SLIT2: variants seen among roughly 807,000 people sequenced by gnomAD.
The protein encoded by SLIT2 is slit guidance ligand 2.
SLIT2 carries 41 observed loss-of-function variants against 185.7 expected under a neutral mutation model. The observed-to-expected ratio is 0.22, with a 90% CI of 0.17 to 0.29. The LOEUF (loss-of-function observed/expected upper bound fraction) is 0.29. SLIT2 is among the 10% of genes least tolerant of loss of function. The probability of loss-of-function intolerance (pLI) is 1.00; values close to 1 mark genes in which losing one functional copy is unlikely to be tolerated. For synonymous variants in SLIT2, 693 were observed against 680.2 expected, an observed-to-expected ratio of 1.02 and a Z score of -0.29; for missense variants, 1,571 against 1,909.0, an observed-to-expected ratio of 0.82 and a Z score of 3.30.
chr4:20,533,851 C>CACAT, intron 18 of SLIT2, 136 bp downstream of exon 18: 1 of 714,946 alleles, frequency 1.4e-6, no homozygotes, highest in Non-Finnish European at 2.4e-6. Context: ...CTGTTACACA[C>CACAT]ACATACACAC....
intron 9 of SLIT2, among the ~76,000 whole-genome samples, chr4:20,497,089 T>C (rs1718292759): frequency 1.3e-5 from 2 of 151,886 alleles, no homozygotes; most frequent in South Asian, 4.1e-4. Flanking sequence ...TATTCTCGGC[T>C]GACCAACTCA....
At chr4:20,412,416 C>G (rs1355203320) in intron 4 of SLIT2, among the ~76,000 whole-genome samples, 1 of 151,996 alleles carries the variant, frequency 6.6e-6, no homozygotes, top group Non-Finnish European at 1.5e-5. Context: ...GTTTTTCCAA[C>G]AACAATTTAC....
At chr4:20,610,279 GA>G in intron 34 of SLIT2, 112 bp downstream of exon 34, 1 of 887,842 alleles carries the variant, frequency 1.1e-6, no homozygotes, top group Non-Finnish European at 1.6e-6. Flanking sequence ...GACCAATAGT[GA>G]TCAATCATTG....
intron 4 of SLIT2, among the ~76,000 whole-genome samples, chr4:20,281,625 A>G (rs1714783146): frequency 1.3e-5 from 2 of 152,148 alleles, no homozygotes; most frequent in South Asian, 2.1e-4. Context: ...AGTTTCAAGG[A>G]AAGTTGTTAA....
At chr4:20,570,239 A>C (rs1725454222) in intron 29 of SLIT2, among the ~76,000 whole-genome samples, 1 of 152,108 alleles carries the variant, frequency 6.6e-6, no homozygotes, top group South Asian at 2.1e-4. Context: ...TGTATTACCA[A>C]GTCTTCTAGT....
intron 4 of SLIT2, among the ~76,000 whole-genome samples, chr4:20,379,732 T>C (rs114720740): frequency 0.015 from 2,260 of 152,164 alleles, 54 homozygotes; most frequent in African/African-American, 0.05. Context: ...GTTTCAGAGA[T>C]TGAACAATAA....
chr4:20,413,427 G>T (rs968657731), intron 4 of SLIT2, among the ~76,000 whole-genome samples: 1 of 152,132 alleles, frequency 6.6e-6, no homozygotes, highest in East Asian at 1.9e-4. Context: ...TTGCTGTTGC[G>T]TAAAGTATTC....
At chr4:20,501,380 G>T (rs759114078) in intron 9 of SLIT2, among the ~76,000 whole-genome samples, 5 of 152,016 alleles carry the variant, frequency 3.3e-5, no homozygotes, top group African/African-American at 4.8e-5. Flanking sequence ...CCGCCTCCAG[G>T]GCTCAAGCAA....
chr4:20,571,122 C>T (rs1191613151), intron 29 of SLIT2, among the ~76,000 whole-genome samples: 1 of 152,202 alleles, frequency 6.6e-6, no homozygotes, highest in Admixed American at 6.5e-5. Flanking sequence ...TAAAGCTTAG[C>T]CAAACCATTT....
chr4:20,271,492 T>A (rs865923074), intron 4 of SLIT2, among the ~76,000 whole-genome samples: 1 of 143,576 alleles, frequency 7.0e-6, no homozygotes, highest in Non-Finnish European at 1.5e-5. Flanking sequence ...ATTTATATAT[T>A]ATATATATAT....
Position 20,533,616 on chromosome 4 carries a change from T to C in SLIT2, c.1733T>C (p.Phe578Ser). 1 of 1,611,872 alleles carries C rather than the reference T, an allele frequency of 6.2e-7. No individual in the cohort carries two copies. The highest frequency in any genetic ancestry group is 8.5e-7 in the Non-Finnish European group (1 of 1,177,898). ...NKITDIEEGA[F>S]EGASGVNEIL... ...ATCACAGATATTGAGGAGGGAGCAT[T>C]TGAAGGAGCATCTGGTGTAAATGAA... The change falls in exon 18 of 37, where the codon TTT (phenylalanine) becomes TCT (serine). Residue 578 changes from phenylalanine (F) to serine (S), a missense_variant. Transcript: ENST00000504154.
At chr4:20,467,537 A>G (rs961146386) in intron 4 of SLIT2, among the ~76,000 whole-genome samples, 1 of 152,020 alleles carries the variant, frequency 6.6e-6, no homozygotes, top group African/African-American at 2.4e-5. Flanking sequence ...ATCTAGAAGC[A>G]TACTTCAAGA....
chr4:20,279,756 T>A (rs546328124), intron 4 of SLIT2, among the ~76,000 whole-genome samples: 4 of 152,308 alleles, frequency 2.6e-5, no homozygotes, highest in African/African-American at 9.6e-5. Context: ...ATGTACTTAC[T>A]TTTTTTGCTT....
rs115512944 is a variant in SLIT2 at position 20,482,056 on chromosome 4, A to C, written c.539+1269A>C. Among the ~76,000 whole-genome samples the C allele has an allele frequency of 4.8e-3, 733 of 152,146 alleles. 10 individuals carry two copies. The highest frequency in any genetic ancestry group is 0.016 in the African/African-American group (683 of 41,558). ...AAATTGTATACCAGAACCATTTTTA[A>C]TATACGAAACTCACTGATGGTATCT... On this transcript the variant is annotated intron_variant, in intron 6 of 36. Transcript: ENST00000504154.
In SLIT2 at chr4:20,519,373, T is replaced by G; in HGVS notation, c.1059-9T>G. ...GTCTAATTTTTTTCATTTAAAATAT[T>G]TTTTTCAGTGTCCTCTATGGAAATA... On this transcript the variant is annotated splice_polypyrimidine_tract_variant and intron_variant, in intron 11 of 36. Transcript: ENST00000504154. 1 of 1,477,910 alleles carries G rather than the reference T, an allele frequency of 6.8e-7. No individual in the cohort carries two copies. The highest frequency in any genetic ancestry group is 9.4e-7 in the Non-Finnish European group (1 of 1,060,206). The allele number at this position is 1,477,910 out of a possible 1,614,324, so 91.5% of individuals were successfully genotyped here. A position where few individuals can be genotyped will look rare whatever the true frequency, so the allele number is the denominator to read the frequency against.
At chr4:20,501,923 A>G (rs1055954710) in intron 9 of SLIT2, among the ~76,000 whole-genome samples, 1 of 152,242 alleles carries the variant, frequency 6.6e-6, no homozygotes, top group Non-Finnish European at 1.5e-5. Context: ...CAGAGAAACC[A>G]TTTTCATGAA....
chr4:20,523,289 T>G (rs1560499336), intron 12 of SLIT2, among the ~76,000 whole-genome samples: 1 of 152,074 alleles, frequency 6.6e-6, no homozygotes, highest in Non-Finnish European at 1.5e-5. Context: ...TCAGAGCCAA[T>G]TGGGAGCTGT....
Position 20,610,160 on chromosome 4 carries a change from T to C in SLIT2, c.3840T>C (p.Tyr1280=), listed in dbSNP as rs1328938583. The C allele has an allele frequency of 6.2e-7, 1 of 1,611,386 alleles. No homozygotes were observed. Among genetic ancestry groups the C allele is most frequent in the Admixed American group, 1.7e-5 (1 of 59,510 alleles). The change falls in exon 34 of 37, where the codon TAT becomes TAC. Residue 1280 remains tyrosine (Y), a synonymous_variant. Transcript: ENST00000504154. Reference sequence around the variant, plus strand: ...CTCTGAATTTTGACTCTCCACTCTATGTAGGAGGTAAGCTGTCTTCCAAAT... The same window carrying C: ...CTCTGAATTTTGACTCTCCACTCTACGTAGGAGGTAAGCTGTCTTCCAAAT... ...QSTLNFDSPL[Y]VGGMPGKSNV...
intron 4 of SLIT2, among the ~76,000 whole-genome samples, chr4:20,339,090 C>CAAAAAAAAAAAAAAAAAAAAAAAAA: frequency 1.4e-5 from 1 of 70,750 alleles, no homozygotes. Context: ...GAGACACTCT[C>CAAAAAAAAAAAAAAAAAAAAAAAAA]AAAAAAAAAA....
Sources: gnomAD v4.1 joint callset for allele counts (sites outside exome capture counted in the v4.1 genomes callset) on GRCh38, gnomAD v4.1.1 for gene constraint, MANE v1.5 for transcripts, NCBI Gene and HGNC (gene_info 2026-07-23, HGNC 2026-07-21) for gene names.